SHISA6: variants seen among roughly 807,000 people sequenced by gnomAD.
SHISA6 encodes shisa family member 6, also known as protein shisa-6.
In SHISA6, 22 loss-of-function variants were observed where a neutral mutation model predicts 47.9. The observed-to-expected ratio is 0.46, with a 90% CI of 0.33 to 0.66. The LOEUF (loss-of-function observed/expected upper bound fraction) is 0.66, where lower values mean the gene tolerates loss of function less well. SHISA6 is among the 30% of genes least tolerant of loss of function. SHISA6 has a pLI of 0.02. For missense variants in SHISA6, 680 were observed against 764.6 expected (o/e 0.89, Z 1.30); for synonymous variants, 388 against 337.8 (o/e 1.15, Z -1.63).
In SHISA6 at chr17:11,241,548, C is replaced by G; in HGVS notation, c.126C>G (p.Val42=). Residue 42 remains valine (V), a synonymous_variant, in exon 1 of 6, where the codon GTC becomes GTG. Transcript: ENST00000441885. The surrounding 1 kb of genome is among the most constrained non-coding windows in gnomAD (Gnocchi z 5.5). ...CCCTGAGTGCAGGCGGCGCTGCCGT[C>G]GGGGGCCGGAGGGCCGGGGGCGCCC... ...NRTLSAGGAA[V]GGRRAGGALA... 1 of 1,085,198 alleles carries G rather than the reference C, an allele frequency of 9.2e-7. No homozygotes were observed. The highest frequency in any genetic ancestry group is 1.1e-6 in the Non-Finnish European group (1 of 897,076). The allele number at this position is 1,085,198 out of a possible 1,614,324, so 67.2% of individuals were successfully genotyped here.
chr17:11,531,245 G>A (rs2071730082), intron 3 of SHISA6, among the ~76,000 whole-genome samples: 1 of 148,710 alleles, frequency 6.7e-6, no homozygotes, highest in African/African-American at 2.5e-5. Flanking sequence ...GTGTGTGTGT[G>A]TGTGTGTGTG....
chr17:11,297,156 A>G (rs1909780598), intron 2 of SHISA6, among the ~76,000 whole-genome samples: 1 of 152,126 alleles, frequency 6.6e-6, no homozygotes, highest in African/African-American at 2.4e-5. Flanking sequence ...CCTCTTATAG[A>G]TGGAAGACAC....
intron 1 of SHISA6, among the ~76,000 whole-genome samples, chr17:11,244,372 C>T (rs1159858660): frequency 5.9e-5 from 9 of 152,062 alleles, no homozygotes; most frequent in Non-Finnish European, 7.4e-5. Context: ...GATCCATCTA[C>T]GACACTCCAT....
intron 3 of SHISA6, among the ~76,000 whole-genome samples, chr17:11,441,827 G>A (rs1371621279): frequency 6.6e-6 from 1 of 152,150 alleles, no homozygotes; most frequent in African/African-American, 2.4e-5. Context: ...GAAGGGCACT[G>A]ACCCAGCGCT....
At position 11,472,972 on chromosome 17, in the gene SHISA6, G is replaced by A. The variant is rs139400591; in HGVS notation, c.896-78924G>A. On this transcript the variant is annotated intron_variant, in intron 3 of 5. Transcript: ENST00000441885. ...ATATATCTCCTTTGGTGATGTGTCT[G>A]TTAAGGTCTTTAGCCCATTTTAAAA... 3.6e-3 allele frequency among the ~76,000 whole-genome samples: 550 copies of A among 152,310 alleles called. 7 individuals carry two copies. Among genetic ancestry groups the A allele is most frequent in the African/African-American group, 0.013 (526 of 41,568 alleles).
intron 2 of SHISA6, among the ~76,000 whole-genome samples, chr17:11,360,629 CG>C (rs1427028635): frequency 1.3e-5 from 2 of 151,262 alleles, no homozygotes; most frequent in Non-Finnish European, 2.9e-5. Context: ...GGGGCCTGTC[CG>C]GGGGTAGGGG....
At position 11,284,758 on chromosome 17, in the gene SHISA6, A is replaced by C. The variant is rs560314284; in HGVS notation, c.799+21232A>C. Among the ~76,000 whole-genome samples, 7 of 152,286 alleles carry C rather than the reference A, an allele frequency of 4.6e-5. No individual in the cohort carries two copies. The South Asian group carries it at 1.5e-3, about 32-fold the overall frequency. On this transcript the variant is annotated intron_variant, in intron 2 of 5. Coordinates refer to ENST00000441885, the MANE Select transcript of SHISA6 (RefSeq NM_207386.4). Reference sequence around the variant, plus strand: ...TGATGCTGTATTAGACTTCTATAGCACTTTATATTTTCACTGGCATGAATC... The same window carrying C: ...TGATGCTGTATTAGACTTCTATAGCCCTTTATATTTTCACTGGCATGAATC...
At chr17:11,525,032 T>A (rs2142365885) in intron 3 of SHISA6, among the ~76,000 whole-genome samples, 1 of 152,232 alleles carries the variant, frequency 6.6e-6, no homozygotes, top group African/African-American at 2.4e-5. Context: ...CAAGTTTGAT[T>A]TTTGTTTTTG....
intron 2 of SHISA6, among the ~76,000 whole-genome samples, chr17:11,371,124 C>G (rs1912618427): frequency 6.6e-6 from 1 of 152,174 alleles, no homozygotes; most frequent in African/African-American, 2.4e-5. Flanking sequence ...GAGATTTTTG[C>G]ACTAGCTAGT....
At chr17:11,251,949 C>T (rs1200698040) in intron 1 of SHISA6, among the ~76,000 whole-genome samples, 3 of 152,164 alleles carry the variant, frequency 2.0e-5, no homozygotes, top group African/African-American at 7.2e-5. Flanking sequence ...CCCTGGTGTG[C>T]AGCTCTTGCC....
In SHISA6 at chr17:11,525,633, AAAAAAAAAAAAAAAAAAAC is replaced by A. The variant is rs1434871494; in HGVS notation, c.896-26249_896-26231del. 1.6e-4 allele frequency among the ~76,000 whole-genome samples: 5 copies of A among 31,350 alleles called. No individual in the cohort carries two copies. In the East Asian group the frequency reaches 6.2e-3, roughly 39 times the overall value. 20.6% of individuals were successfully genotyped at this position (31,350 alleles called of 152,430 possible). ...GGCAACAGAGCAAGACTCCGTCTCA[AAAAAAAAAAAAAAAAAAAC>A]AAAAAAAAAAAAACGTGTTATAATA... On this transcript the variant is annotated intron_variant, in intron 3 of 5. Coordinates refer to ENST00000441885, the MANE Select transcript of SHISA6 (RefSeq NM_207386.4).
At chr17:11,343,057 G>T (rs929229991) in intron 2 of SHISA6, among the ~76,000 whole-genome samples, 2 of 152,206 alleles carry the variant, frequency 1.3e-5, no homozygotes, top group East Asian at 1.9e-4. Context: ...TTGTGAAAGA[G>T]CCTGAAGATA....
At chr17:11,342,732 A>C (rs1911579333) in intron 2 of SHISA6, among the ~76,000 whole-genome samples, 1 of 152,214 alleles carries the variant, frequency 6.6e-6, no homozygotes, top group Admixed American at 6.5e-5. Context: ...TCTGTGCAGA[A>C]GTGGGCATTT....
chr17:11,491,865 G>A lies in SHISA6; in HGVS notation c.896-60031G>A, dbSNP rs575164247. Among the ~76,000 whole-genome samples, 57 of 146,042 alleles carry A rather than the reference G, an allele frequency of 3.9e-4. No individual in the cohort carries two copies. In the South Asian group the frequency reaches 0.012, roughly 31 times the overall value. Reference sequence around the variant, plus strand: ...CTGCTAACTACAACCTCCACCTCCCGAGTTCAAGCAATTCTCCTGCCTCAG... The same window carrying A: ...CTGCTAACTACAACCTCCACCTCCCAAGTTCAAGCAATTCTCCTGCCTCAG... On this transcript the variant is annotated intron_variant, in intron 3 of 5. Transcript: ENST00000441885.
chr17:11,503,432 C>A (rs2071472288), intron 3 of SHISA6, among the ~76,000 whole-genome samples: 2 of 152,294 alleles, frequency 1.3e-5, no homozygotes, highest in South Asian at 2.1e-4. Context: ...CTGGACAGAG[C>A]CCCGCCCAGC....
At chr17:11,448,966 T>C (rs115906026) in intron 3 of SHISA6, among the ~76,000 whole-genome samples, 29 of 152,286 alleles carry the variant, frequency 1.9e-4, no homozygotes, top group African/African-American at 6.5e-4. Flanking sequence ...TAAGTAAAAG[T>C]TTTATATTTA....
intron 3 of SHISA6, among the ~76,000 whole-genome samples, chr17:11,396,155 C>T (rs80119458): frequency 0.036 from 5,540 of 152,244 alleles, 184 homozygotes; most frequent in Admixed American, 0.088. Context: ...CATAGACTTT[C>T]CCCTTAGATC....
chr17:11,393,930 T>C (rs889091058), intron 3 of SHISA6, among the ~76,000 whole-genome samples: 2 of 152,252 alleles, frequency 1.3e-5, no homozygotes, highest in South Asian at 2.1e-4. Context: ...TTGGTACTTA[T>C]TGAACCAATA....
intron 2 of SHISA6, among the ~76,000 whole-genome samples, chr17:11,276,638 A>G (rs1285156209): frequency 6.6e-6 from 1 of 151,764 alleles, no homozygotes; most frequent in Non-Finnish European, 1.5e-5. Context: ...CATCACCAAT[A>G]CCATCATCAT....
Sources: allele counts gnomAD v4.1 joint callset (sites outside exome capture counted in the v4.1 genomes callset), GRCh38; gene constraint gnomAD v4.1.1; non-coding constraint Gnocchi (gnomAD v3.1); transcripts MANE v1.5; gene names NCBI Gene and HGNC (gene_info 2026-07-23, HGNC 2026-07-21).